The following TRIO variants were observed in gnomAD, a reference collection of about 807,000 sequenced individuals.
TRIO encodes trio Rho guanine nucleotide exchange factor.
TRIO carries 58 observed loss-of-function variants against 351.9 expected under a neutral mutation model. The ratio of observed to expected loss-of-function variants is 0.16; its 90% CI spans 0.13 to 0.21. The LOEUF is 0.21. Among genes scored for constraint, TRIO ranks in the 10% least tolerant of loss-of-function variants. The pLI, the probability that TRIO is intolerant of heterozygous loss-of-function variation, is 1.00. For missense variants in TRIO, 3,201 were observed against 4,027.8 expected (o/e 0.79, Z 5.56); for synonymous variants, 1,758 against 1,595.7 (o/e 1.10, Z -2.42).
intron 34 of TRIO, among the ~76,000 whole-genome samples, chr5:14,447,941 G>A (rs895407391): frequency 1.3e-5 from 2 of 152,172 alleles, no homozygotes; most frequent in Admixed American, 1.3e-4. Flanking sequence ...TTAACTTTCT[G>A]TTTCCTTACA....
intron 19 of TRIO, among the ~76,000 whole-genome samples, chr5:14,376,555 C>T (rs1745577138): frequency 6.6e-6 from 1 of 152,164 alleles, no homozygotes; most frequent in Non-Finnish European, 1.5e-5. Context: ...AATAATATAT[C>T]TTAGTCATCT....
At chr5:14,209,084 A>G (rs1434360948) in intron 1 of TRIO, among the ~76,000 whole-genome samples, 1 of 152,210 alleles carries the variant, frequency 6.6e-6, no homozygotes, top group Non-Finnish European at 1.5e-5. Context: ...TGTTTCATCT[A>G]GTCCTAAGAG....
At chr5:14,281,613 C>T (rs567820681) in intron 3 of TRIO, among the ~76,000 whole-genome samples, 2 of 152,212 alleles carry the variant, frequency 1.3e-5, no homozygotes, top group African/African-American at 4.8e-5. Context: ...AGGATACAGT[C>T]ATGCCTGGAA....
chr5:14,264,063 G>T (rs1271670093), intron 1 of TRIO, among the ~76,000 whole-genome samples: 1 of 152,050 alleles, frequency 6.6e-6, no homozygotes, highest in African/African-American at 2.4e-5. Flanking sequence ...CCTTCCATTG[G>T]TCTGTGATGC....
intron 8 of TRIO, among the ~76,000 whole-genome samples, chr5:14,316,275 A>G (rs1448971902): frequency 1.3e-5 from 2 of 152,194 alleles, no homozygotes; most frequent in Non-Finnish European, 2.9e-5. Context: ...AGTGTTTTGC[A>G]TCATTTGGCT....
intron 21 of TRIO, among the ~76,000 whole-genome samples, chr5:14,385,269 T>C (rs1414305947): frequency 6.6e-6 from 1 of 152,242 alleles, no homozygotes; most frequent in African/African-American, 2.4e-5. Context: ...CTCAGGCACG[T>C]GTCTAACCAC....
intron 1 of TRIO, among the ~76,000 whole-genome samples, 194 bp downstream of exon 1, chr5:14,144,076 C>T (rs1038263672): frequency 6.6e-6 from 1 of 151,918 alleles, no homozygotes; most frequent in Non-Finnish European, 1.5e-5. Context: ...GTCCCGCTGC[C>T]CGCGCAGCCG....
At position 14,402,305 on chromosome 5, in the gene TRIO, A is replaced by G. The variant is rs115182951; in HGVS notation, c.4716+1241A>G. On this transcript the variant is annotated intron_variant, in intron 31 of 56. Coordinates refer to ENST00000344204, the MANE Select transcript of TRIO (RefSeq NM_007118.4). ...ATACTTTAGCCAGATCTGGACTTTCATTTAGGATGTCGTAAATGCTCATGG... is the reference window on the plus strand; with the variant it reads ...ATACTTTAGCCAGATCTGGACTTTCGTTTAGGATGTCGTAAATGCTCATGG... Among the ~76,000 whole-genome samples the G allele has an allele frequency of 1.0e-2, 1,517 of 152,310 alleles. 26 individuals carry two copies. Among genetic ancestry groups the G allele is most frequent in the African/African-American group, 0.035 (1,447 of 41,552 alleles).
At chr5:14,483,954 G>A (rs1326920201) in intron 46 of TRIO, among the ~76,000 whole-genome samples, 8 of 151,804 alleles carry the variant, frequency 5.3e-5, no homozygotes, top group Admixed American at 5.3e-4. Flanking sequence ...GCACCCATAC[G>A]CTGAGCCGCA....
chr5:14,165,686 A>C (rs572643892), intron 1 of TRIO, among the ~76,000 whole-genome samples: 24 of 152,286 alleles, frequency 1.6e-4, no homozygotes, highest in Non-Finnish European at 2.2e-4. Flanking sequence ...GTCATTCTCA[A>C]CCTTTCCTTG....
intron 31 of TRIO, among the ~76,000 whole-genome samples, chr5:14,402,605 G>A (rs537791168): frequency 6.6e-6 from 1 of 151,960 alleles, no homozygotes; most frequent in South Asian, 2.1e-4. Context: ...GGGTGGAGAT[G>A]GTGGTGGTAT....
intron 1 of TRIO, among the ~76,000 whole-genome samples, chr5:14,253,563 T>C (rs1794864917): frequency 6.6e-6 from 1 of 152,142 alleles, no homozygotes; most frequent in African/African-American, 2.4e-5. Flanking sequence ...GGTCTTGAAC[T>C]CCTGAGCTCA....
At chr5:14,196,767 ATTC>A (rs1790800382) in intron 1 of TRIO, among the ~76,000 whole-genome samples, 6 of 152,212 alleles carry the variant, frequency 3.9e-5, no homozygotes. Flanking sequence ...TTCTTAGAAA[ATTC>A]TTAATAATGT....
chr5:14,236,830 C>G (rs781171691), intron 1 of TRIO, among the ~76,000 whole-genome samples: 10 of 152,264 alleles, frequency 6.6e-5, no homozygotes, highest in Admixed American at 1.3e-4. Flanking sequence ...CAGCCCTTAC[C>G]CTTCACCCCT....
intron 1 of TRIO, among the ~76,000 whole-genome samples, chr5:14,228,142 G>A (rs1793166118): frequency 6.6e-6 from 1 of 151,996 alleles, no homozygotes; most frequent in African/African-American, 2.4e-5. Context: ...TCCAATAAAG[G>A]AAAAAAGAAA....
chr5:14,466,958 G>T (rs907976851), intron 37 of TRIO, among the ~76,000 whole-genome samples: 5 of 152,122 alleles, frequency 3.3e-5, no homozygotes, highest in Admixed American at 2.6e-4. Flanking sequence ...TGTTCTAAGT[G>T]CTGAGCATGT....
At chr5:14,292,753 G>A (rs922722592) in intron 5 of TRIO, among the ~76,000 whole-genome samples, 6 of 152,226 alleles carry the variant, frequency 3.9e-5, no homozygotes, top group Non-Finnish European at 7.3e-5. Context: ...TGGGGGATTA[G>A]AGTAACTCTC....
At chr5:14,342,919 A>C (rs765043393) in intron 11 of TRIO, among the ~76,000 whole-genome samples, 2 of 152,196 alleles carry the variant, frequency 1.3e-5, no homozygotes, top group Non-Finnish European at 1.5e-5. Context: ...TACATGTGTG[A>C]TGGAGTTATG....
intron 10 of TRIO, among the ~76,000 whole-genome samples, chr5:14,332,913 G>C (rs1315313109): frequency 6.6e-6 from 1 of 152,164 alleles, no homozygotes; most frequent in Middle Eastern, 3.2e-3. Context: ...AGATTATTCA[G>C]ATCTTTTGGT....
Sources: gnomAD v4.1 joint callset for allele counts (sites outside exome capture counted in the v4.1 genomes callset) on GRCh38, gnomAD v4.1.1 for gene constraint, MANE v1.5 for transcripts, NCBI Gene and HGNC (gene_info 2026-07-23, HGNC 2026-07-21) for gene names.